Variants in LRPPRC observed in about 807,000 individuals in gnomAD.
LRPPRC encodes leucine-rich PPR motif-containing protein, mitochondrial.
A neutral mutation model predicts 180.3 loss-of-function variants in LRPPRC; 120 were observed. That is an observed-to-expected ratio of 0.67 (90% CI 0.57 to 0.77). LRPPRC has a LOEUF of 0.77. Among genes scored for constraint, LRPPRC ranks in the 30% least tolerant of loss-of-function variants. The probability of loss-of-function intolerance (pLI) is 0.00; values close to 1 mark genes in which losing one functional copy is unlikely to be tolerated. For missense variants in LRPPRC, 2,012 were observed against 1,657.2 expected (o/e 1.21, Z -3.72); for synonymous variants, 723 against 600.0 (o/e 1.21, Z -3.00).
chr2:43,947,689 T>G, intron 19 of LRPPRC, 42 bp downstream of exon 19: 1 of 1,092,212 alleles, frequency 9.2e-7, no homozygotes, highest in Non-Finnish European at 1.4e-6. Flanking sequence ...TCATTAAATA[T>G]GGGTATTATA....
At chr2:43,919,057 G>T (rs545431355) in intron 27 of LRPPRC, among the ~76,000 whole-genome samples, 12 of 152,178 alleles carry the variant, frequency 7.9e-5, no homozygotes, top group African/African-American at 2.9e-4. Context: ...TACGGTGGGT[G>T]GGCAAGTGAG....
At chr2:43,894,194 G>T (rs1315402578) in intron 36 of LRPPRC, among the ~76,000 whole-genome samples, 2 of 152,072 alleles carry the variant, frequency 1.3e-5, no homozygotes, top group African/African-American at 4.8e-5. Context: ...TGTTTCAGGT[G>T]GCAGGCCCTT....
intron 6 of LRPPRC, 115 bp from the exon 7 acceptor site, chr2:43,975,332 G>T (rs1458655258): frequency 1.2e-6 from 1 of 837,794 alleles, no homozygotes; most frequent in East Asian, 2.8e-5. Flanking sequence ...TTGGAATTAT[G>T]ATGTCAGAAA....
chr2:43,893,862 T>C (rs1572887968), intron 36 of LRPPRC, among the ~76,000 whole-genome samples: 1 of 152,262 alleles, frequency 6.6e-6, no homozygotes, highest in East Asian at 1.9e-4. Flanking sequence ...TGTCCTCCCA[T>C]AGATAAAATC....
chr2:43,956,156 G>T (rs561516661), intron 14 of LRPPRC, among the ~76,000 whole-genome samples: 1 of 150,608 alleles, frequency 6.6e-6, no homozygotes, highest in African/African-American at 2.4e-5. Flanking sequence ...ACAAAAACCA[G>T]TGTTATTAAA....
At chr2:43,898,343 T>C (rs959506826) in intron 34 of LRPPRC, among the ~76,000 whole-genome samples, 2 of 152,176 alleles carry the variant, frequency 1.3e-5, no homozygotes, top group South Asian at 4.1e-4. Context: ...ATCTACTACT[T>C]AAGATCTTTC....
intron 34 of LRPPRC, among the ~76,000 whole-genome samples, chr2:43,897,337 C>A (rs142848196): frequency 1.3e-5 from 2 of 152,022 alleles, no homozygotes; most frequent in Non-Finnish European, 2.9e-5. Context: ...ATCTTAGATG[C>A]TATAGTAAAA....
At position 43,982,271 on chromosome 2, in the gene LRPPRC, G is replaced by T; in HGVS notation, c.313C>A (p.Leu105Ile). 6.4e-7 allele frequency: 1 copy of T among 1,573,634 alleles called. No individual in the cohort carries two copies. Among genetic ancestry groups the T allele is most frequent in the Non-Finnish European group, 8.6e-7 (1 of 1,163,856 alleles). The part of the protein sequence containing the change: ...RRTGRIPKKL[L>I]QKVFNDTCRS... ...CAGGTATCATTAAAAACTTTTTGTAGAAGCTTCTTTGGAATGCGGCCAGTT... is the reference window on the plus strand; with the variant it reads ...CAGGTATCATTAAAAACTTTTTGTATAAGCTTCTTTGGAATGCGGCCAGTT... The change falls in exon 2 of 38, where the codon CTA becomes ATA. Residue 105 changes from leucine (L) to isoleucine (I), a missense_variant. By Grantham distance (5) the Leu-to-Ile change is conservative. Transcript: ENST00000260665.
chr2:43,900,415 T>C (rs997935628), intron 32 of LRPPRC, among the ~76,000 whole-genome samples: 2 of 152,162 alleles, frequency 1.3e-5, no homozygotes, highest in Non-Finnish European at 2.9e-5. Flanking sequence ...TTACAATATA[T>C]TTCTCTTACA....
intron 1 of LRPPRC, among the ~76,000 whole-genome samples, chr2:43,990,075 C>T (rs60665809): frequency 0.2 from 30,792 of 151,934 alleles, 3,879 homozygotes; most frequent in African/African-American, 0.35. Flanking sequence ...AAAAATTAGC[C>T]AGGCATGGTG....
chr2:43,901,707 A>G, intron 31 of LRPPRC, 183 bp from the exon 32 acceptor site: 2 of 600,392 alleles, frequency 3.3e-6, no homozygotes, highest in Non-Finnish European at 5.9e-6. Context: ...TATTTACTTG[A>G]CTATATAAGA....
chr2:43,995,784 G>A lies in LRPPRC; in HGVS notation c.149+15C>T, dbSNP rs1475687059. 1.2e-5 allele frequency: 17 copies of A among 1,373,574 alleles called. No homozygotes were observed. Among genetic ancestry groups the A allele is most frequent in the Non-Finnish European group, 1.5e-5 (16 of 1,074,302 alleles). The allele number at this position is 1,373,574 out of a possible 1,614,324, so 85.1% of individuals were successfully genotyped here. A position where few individuals can be genotyped will look rare whatever the true frequency, so the allele number is the denominator to read the frequency against. On this transcript the variant is annotated intron_variant, in intron 1 of 37. Transcript: ENST00000260665. ...GGCGCCGCAGCTTGCCTGGAGAAAG[G>A]GCCTGGGCACTCACCCGGCCACGGG...
chr2:43,893,788 G>A (rs1364003813), intron 36 of LRPPRC, among the ~76,000 whole-genome samples: 1 of 152,012 alleles, frequency 6.6e-6, no homozygotes, highest in Admixed American at 6.6e-5. Flanking sequence ...AAATAATACA[G>A]AATGTTCTCC....
At chr2:43,964,694 T>C (rs1040709959) in intron 11 of LRPPRC, among the ~76,000 whole-genome samples, 1 of 152,084 alleles carries the variant, frequency 6.6e-6, no homozygotes, top group African/African-American at 2.4e-5. Flanking sequence ...AATTTAATTA[T>C]GTAAAAAAAA....
At chr2:43,960,170 C>T (rs1001386463) in intron 13 of LRPPRC, among the ~76,000 whole-genome samples, 2 of 152,168 alleles carry the variant, frequency 1.3e-5, no homozygotes, top group South Asian at 2.1e-4. Context: ...GAAACAATAC[C>T]GCATTTGATT....
At chr2:43,980,938 T>C (rs11674370) in intron 2 of LRPPRC, among the ~76,000 whole-genome samples, 5 of 152,190 alleles carry the variant, frequency 3.3e-5, no homozygotes, top group South Asian at 2.1e-4. Context: ...AGAGAGAATG[T>C]GACACAGGTC....
chr2:43,900,648 C>A (rs1463965475), intron 32 of LRPPRC, among the ~76,000 whole-genome samples: 2 of 151,884 alleles, frequency 1.3e-5, no homozygotes, highest in South Asian at 2.1e-4. Context: ...CAAAAAAAAA[C>A]CCCTACAAAA....
At chr2:43,929,675 C>T (rs1266491965) in intron 25 of LRPPRC, among the ~76,000 whole-genome samples, 2 of 152,218 alleles carry the variant, frequency 1.3e-5, no homozygotes, top group South Asian at 2.1e-4. Context: ...TATTTATCCC[C>T]ATAGCTAGCA....
At chr2:43,995,598 A>G (rs202193405) in intron 1 of LRPPRC, among the ~76,000 whole-genome samples, 5 of 152,220 alleles carry the variant, frequency 3.3e-5, no homozygotes, top group Non-Finnish European at 7.3e-5. Flanking sequence ...GGCCATGCCC[A>G]CAGCCGTGAC....
Sources: gnomAD v4.1 joint callset for allele counts (sites outside exome capture counted in the v4.1 genomes callset) on GRCh38, gnomAD v4.1.1 for gene constraint, MANE v1.5 for transcripts, NCBI Gene and HGNC (gene_info 2026-07-23, HGNC 2026-07-21) for gene names.